The following STK32A variants were observed in gnomAD, a reference collection of about 807,000 sequenced individuals.
The protein encoded by STK32A is serine/threonine-protein kinase 32A.
A neutral mutation model predicts 53.2 loss-of-function variants in STK32A; 41 were observed. That is an observed-to-expected ratio of 0.77 (90% CI 0.60 to 1.00). The LOEUF (loss-of-function observed/expected upper bound fraction) is 1.00, where lower values mean the gene tolerates loss of function less well. STK32A is among the 50% of genes least tolerant of loss of function. The probability of loss-of-function intolerance (pLI) is 0.00; values close to 1 mark genes in which losing one functional copy is unlikely to be tolerated. For synonymous variants in STK32A, 166 were observed against 162.8 expected (o/e 1.02, Z -0.15); for missense variants, 458 against 485.8 (o/e 0.94, Z 0.54).
intron 4 of STK32A, among the ~76,000 whole-genome samples, chr5:147,297,140 G>A (rs1752905307): frequency 6.6e-6 from 1 of 152,100 alleles, no homozygotes; most frequent in Non-Finnish European, 1.5e-5. Context: ...CCAAAGAGTG[G>A]CAAAGTAGTC....
At chr5:147,379,266 T>G (rs542297969) in intron 11 of STK32A, among the ~76,000 whole-genome samples, 1 of 152,008 alleles carries the variant, frequency 6.6e-6, no homozygotes, top group South Asian at 2.1e-4. Context: ...CTTTGCACAT[T>G]CATTTTATAT....
At chr5:147,391,588 A>G (rs978806136), downstream of STK32A, 2 of 152,338 alleles carry the variant, frequency 1.3e-5, no homozygotes, top group African/African-American at 4.8e-5. Context: ...GTGCCAGTGA[A>G]TTCGAAGAGG....
chr5:147,286,581 T>C (rs910058637), intron 4 of STK32A, among the ~76,000 whole-genome samples: 1 of 152,178 alleles, frequency 6.6e-6, no homozygotes, highest in Admixed American at 6.6e-5. Context: ...TTTCTCCTGC[T>C]ACCACCCTTT....
At position 147,381,900 on chromosome 5, in the gene STK32A, G is replaced by A. The variant is rs544812812; in HGVS notation, c.1033-1541G>A. On this transcript the variant is annotated intron_variant, in intron 11 of 12. Transcript: ENST00000397936. ...CAATCTTTTGGCTTCCCTGGGCCAC[G>A]TTGGAAGAAGAGGAATTGTCTTAGG... Among the ~76,000 whole-genome samples the A allele has an allele frequency of 1.3e-3, 204 of 152,248 alleles. 1 individual carries two copies. The highest frequency in any genetic ancestry group is 4.2e-3 in the African/African-American group (174 of 41,560).
intron 2 of STK32A, among the ~76,000 whole-genome samples, chr5:147,259,610 T>C (rs1054511661): frequency 6.6e-6 from 1 of 152,118 alleles, no homozygotes; most frequent in Admixed American, 6.5e-5. Context: ...TTGTTACATA[T>C]TTATACATGT....
At chr5:147,388,181 T>C (rs1294726207), downstream of STK32A, among the ~76,000 whole-genome samples, 1 of 152,218 alleles carries the variant, frequency 6.6e-6, no homozygotes, top group African/African-American at 2.4e-5. Flanking sequence ...CACCTCTTTC[T>C]TTAGCACTCT....
At chr5:147,288,741 T>C (rs1163570149) in intron 4 of STK32A, among the ~76,000 whole-genome samples, 3 of 152,142 alleles carry the variant, frequency 2.0e-5, no homozygotes, top group Non-Finnish European at 2.9e-5. Context: ...TCCACCCCCA[T>C]GATCCAATCA....
intron 11 of STK32A, among the ~76,000 whole-genome samples, chr5:147,378,281 T>A (rs1043355075): frequency 3.9e-5 from 6 of 152,096 alleles, no homozygotes; most frequent in African/African-American, 1.4e-4. Context: ...TTCCTCCAGA[T>A]TGAGCAGAGG....
At chr5:147,357,724 T>A (rs2151996476) in intron 7 of STK32A, among the ~76,000 whole-genome samples, 1 of 152,234 alleles carries the variant, frequency 6.6e-6, no homozygotes, top group South Asian at 2.1e-4. Flanking sequence ...ATTCTGATTA[T>A]GGTTTCATTT....
chr5:147,251,155 C>G (rs552284047), intron 2 of STK32A, among the ~76,000 whole-genome samples: 1 of 152,204 alleles, frequency 6.6e-6, no homozygotes, highest in Admixed American at 6.5e-5. Context: ...GGCTCATCAG[C>G]ATGGAGCAGG....
intron 2 of STK32A, among the ~76,000 whole-genome samples, chr5:147,265,156 A>G (rs990013071): frequency 1.3e-5 from 2 of 148,932 alleles, no homozygotes; most frequent in African/African-American, 2.4e-5. Flanking sequence ...ATATATTTAT[A>G]TATATACTCT....
At chr5:147,397,655 A>C in the STK32A span, 2 of 1,611,302 alleles carry the variant, frequency 1.2e-6, no homozygotes, top group South Asian at 2.2e-5. Context: ...CAGAGCTCCA[A>C]TGCTTTTTAC....
chr5:147,296,219 G>A (rs1483293584), intron 4 of STK32A, among the ~76,000 whole-genome samples: 1 of 152,214 alleles, frequency 6.6e-6, no homozygotes, highest in African/African-American at 2.4e-5. Flanking sequence ...AAGGTAGAAT[G>A]AAAGACAGAG....
chr5:147,371,937 C>T (rs1256112749), intron 9 of STK32A, among the ~76,000 whole-genome samples: 1 of 152,192 alleles, frequency 6.6e-6, no homozygotes, highest in Non-Finnish European at 1.5e-5. Context: ...TGTAAGTTCA[C>T]ATAACACTAT....
chr5:147,394,103 C>G, the STK32A span: 1 of 1,614,142 alleles, frequency 6.2e-7, no homozygotes, highest in Non-Finnish European at 8.5e-7. Context: ...GCTGAGCGAA[C>G]CCCCTCATCC....
chr5:147,271,126 C>T (rs556568058), intron 2 of STK32A, among the ~76,000 whole-genome samples: 7 of 152,128 alleles, frequency 4.6e-5, no homozygotes, highest in South Asian at 2.1e-4. Flanking sequence ...AGACCCCAAA[C>T]GGAGGGACTG....
At position 147,248,175 on chromosome 5, in the gene STK32A, A is replaced by C. The variant is rs958572922; in HGVS notation, c.52+8489A>C. Among the ~76,000 whole-genome samples the C allele has an allele frequency of 5.9e-5, 9 of 152,010 alleles. No homozygotes were observed. The East Asian group carries it at 1.7e-3, about 29-fold the overall frequency. ...ACCATTCTTAGTTCATGAGCTATAC[A>C]AAAATAGATAGTGAGTTAGATTTGG... On this transcript the variant is annotated intron_variant, in intron 2 of 12. Coordinates refer to ENST00000397936, the MANE Select transcript of STK32A (RefSeq NM_001112724.2).
intron 5 of STK32A, among the ~76,000 whole-genome samples, chr5:147,332,887 A>G (rs1159958630): frequency 2.0e-5 from 3 of 152,206 alleles, no homozygotes; most frequent in Admixed American, 6.5e-5. Flanking sequence ...GGGCTTTGCA[A>G]TTGTGTTTCT....
At chr5:147,337,623 G>T (rs1287738905) in intron 5 of STK32A, among the ~76,000 whole-genome samples, 1 of 151,836 alleles carries the variant, frequency 6.6e-6, no homozygotes, top group Non-Finnish European at 1.5e-5. Context: ...CTTTATTCTT[G>T]GGTACTTTTA....
Sources: allele counts gnomAD v4.1 joint callset (sites outside exome capture counted in the v4.1 genomes callset), GRCh38; gene constraint gnomAD v4.1.1; transcripts MANE v1.5; gene names NCBI Gene and HGNC (gene_info 2026-07-23, HGNC 2026-07-21).